MAGI2: variants seen among roughly 807,000 people sequenced by gnomAD.
The protein encoded by MAGI2 is membrane associated guanylate kinase, WW and PDZ domain containing 2, also known as membrane-associated guanylate kinase, WW and PDZ domain-containing protein 2.
A neutral mutation model predicts 133.3 loss-of-function variants in MAGI2; 35 were observed. The ratio of observed to expected loss-of-function variants is 0.26; its 90% CI spans 0.20 to 0.35. The LOEUF (loss-of-function observed/expected upper bound fraction) is 0.35. Among genes scored for constraint, MAGI2 ranks in the 10% least tolerant of loss-of-function variants. The pLI is 1.00. For synonymous variants in MAGI2, 729 were observed against 710.6 expected, an observed-to-expected ratio of 1.03 and a Z score of -0.41; for missense variants, 1,636 against 1,863.4, an observed-to-expected ratio of 0.88 and a Z score of 2.25.
intron 2 of MAGI2, among the ~76,000 whole-genome samples, chr7:78,831,944 C>T (rs1332896008): frequency 6.6e-6 from 1 of 152,036 alleles, no homozygotes; most frequent in African/African-American, 2.4e-5. Context: ...AAGGAAGGGT[C>T]CATTTGGCTG....
intron 2 of MAGI2, among the ~76,000 whole-genome samples, chr7:78,633,488 G>A (rs1243246808): frequency 1.3e-5 from 2 of 151,912 alleles, no homozygotes; most frequent in African/African-American, 2.4e-5. Context: ...GGTGGATCAC[G>A]AGGTCAGGAG....
intron 2 of MAGI2, among the ~76,000 whole-genome samples, chr7:78,955,645 C>T (rs1301382894): frequency 6.8e-6 from 1 of 146,982 alleles, no homozygotes; most frequent in Non-Finnish European, 1.5e-5. Flanking sequence ...CTCCTTTTCT[C>T]TCTCTCTCTC....
chr7:78,761,502 GT>G (rs1171718539), intron 2 of MAGI2, among the ~76,000 whole-genome samples: 1 of 138,274 alleles, frequency 7.2e-6, no homozygotes, highest in Non-Finnish European at 1.5e-5. Context: ...GTCTTGCTCT[GT>G]CCCCCAGGCT....
intron 1 of MAGI2, among the ~76,000 whole-genome samples, chr7:79,160,490 T>TA (rs1562951618): frequency 6.6e-6 from 1 of 152,048 alleles, no homozygotes; most frequent in Non-Finnish European, 1.5e-5. Context: ...ATCAGCTTCT[T>TA]AAAAAATCTT....
Position 79,240,493 on chromosome 7 carries a change from A to G in MAGI2, c.301+212527T>C, listed in dbSNP as rs564057538. On this transcript the variant is annotated intron_variant, in intron 1 of 21. Coordinates refer to ENST00000354212, the MANE Select transcript of MAGI2 (RefSeq NM_012301.4). ...GGCATGTATTCTCAATGTGGAGAGCACACTGGCAGAGGCAACATCCAGCAA... is the reference window on the plus strand; with the variant it reads ...GGCATGTATTCTCAATGTGGAGAGCGCACTGGCAGAGGCAACATCCAGCAA... Among the ~76,000 whole-genome samples the G allele has an allele frequency of 2.8e-4, 42 of 151,830 alleles. No individual in the cohort carries two copies. The South Asian group carries it at 8.3e-3, about 30-fold the overall frequency.
intron 2 of MAGI2, among the ~76,000 whole-genome samples, chr7:78,849,518 G>A (rs1435887697): frequency 2.0e-5 from 3 of 151,948 alleles, no homozygotes; most frequent in Non-Finnish European, 4.4e-5. Context: ...CGTTCCTTTT[G>A]GATTTGGAAT....
chr7:78,836,475 G>T, intron 2 of MAGI2, among the ~76,000 whole-genome samples: 1 of 151,920 alleles, frequency 6.6e-6, no homozygotes, highest in Admixed American at 6.6e-5. Context: ...TTTTTACCTT[G>T]AGTTACTGTC....
At position 79,423,686 on chromosome 7, in the gene MAGI2, A is replaced by C. The variant is rs577952071; in HGVS notation, c.301+29334T>G. On this transcript the variant is annotated intron_variant, in intron 1 of 21. Coordinates refer to ENST00000354212, the MANE Select transcript of MAGI2 (RefSeq NM_012301.4). Reference sequence around the variant, plus strand: ...TGTTTTGAAGATATCTGATGTTTGAAGATGGCAGAGCAGAGAAACTGAATG... The same window carrying C: ...TGTTTTGAAGATATCTGATGTTTGACGATGGCAGAGCAGAGAAACTGAATG... 4.0e-4 allele frequency among the ~76,000 whole-genome samples: 61 copies of C among 152,222 alleles called. 3 individuals are homozygous for C. In the South Asian group the frequency reaches 0.012, roughly 31 times the overall value.
At chr7:78,240,629 C>A (rs1000785702) in intron 10 of MAGI2, among the ~76,000 whole-genome samples, 1 of 152,104 alleles carries the variant, frequency 6.6e-6, no homozygotes, top group African/African-American at 2.4e-5. Flanking sequence ...TTCCCAGAGG[C>A]TGGGATGGTT....
At chr7:78,843,415 C>T (rs1451490895) in intron 2 of MAGI2, among the ~76,000 whole-genome samples, 3 of 151,922 alleles carry the variant, frequency 2.0e-5, no homozygotes, top group Non-Finnish European at 2.9e-5. Context: ...GTTGAATTCA[C>T]TGGTTGTCTG....
intron 2 of MAGI2, among the ~76,000 whole-genome samples, chr7:78,896,261 G>T (rs1464078593): frequency 6.6e-6 from 1 of 151,720 alleles, no homozygotes; most frequent in East Asian, 1.9e-4. Context: ...CTAGCATCTG[G>T]TGTACTTGAA....
chr7:78,461,382 ACGTGTGTGTG>A (rs1354249076), intron 6 of MAGI2, among the ~76,000 whole-genome samples: 1 of 103,692 alleles, frequency 9.6e-6, no homozygotes, highest in Non-Finnish European at 2.0e-5. Flanking sequence ...ATTCCTGGAC[ACGTGTGTGTG>A]CGTGTGTGTG....
chr7:78,490,021 G>T, intron 5 of MAGI2, 181 bp from the exon 6 acceptor site: 1 of 496,594 alleles, frequency 2.0e-6, no homozygotes, highest in Non-Finnish European at 3.6e-6. Flanking sequence ...CTGTAAATTT[G>T]GCAACCTCAG....
intron 2 of MAGI2, among the ~76,000 whole-genome samples, chr7:78,647,531 T>C (rs1811028964): frequency 6.6e-6 from 1 of 152,180 alleles, no homozygotes; most frequent in South Asian, 2.1e-4. Context: ...ATAGGAACGC[T>C]TTTACACTGT....
At chr7:78,537,373 T>G (rs1798049832) in intron 3 of MAGI2, among the ~76,000 whole-genome samples, 1 of 152,242 alleles carries the variant, frequency 6.6e-6, no homozygotes, top group South Asian at 2.1e-4. Context: ...GTAGTGGGAT[T>G]GCTGGATAGA....
rs569789697 is a variant in MAGI2 at position 78,019,828 on chromosome 7, A to T, written c.3855T>A (p.Thr1285=). ...CGTCGTGTTCCCGTTTGATATCCCA[A>T]GTTGGGCCTGGGCTTATCTGGTGGG... ...DPSHQISPGP[T]WDIKREHDVR... Residue 1285 remains threonine, a synonymous_variant, in exon 22 of 22, where the codon ACT becomes ACA. Coordinates refer to ENST00000354212, the MANE Select transcript of MAGI2 (RefSeq NM_012301.4). 1 of 1,613,218 alleles carries T rather than the reference A, an allele frequency of 6.2e-7. No homozygotes were observed. Among genetic ancestry groups the T allele is most frequent in the South Asian group, 1.1e-5 (1 of 91,050 alleles).
At chr7:79,010,082 T>A (rs1027105642) in intron 1 of MAGI2, among the ~76,000 whole-genome samples, 1 of 152,036 alleles carries the variant, frequency 6.6e-6, no homozygotes, top group Non-Finnish European at 1.5e-5. Flanking sequence ...TATATACACA[T>A]ATATTTTTGT....
intron 9 of MAGI2, among the ~76,000 whole-genome samples, chr7:78,265,421 A>G (rs932399124): frequency 9.2e-5 from 14 of 152,232 alleles, no homozygotes; most frequent in Non-Finnish European, 1.6e-4. Context: ...GGAATTCAAT[A>G]GCATAAAATG....
intron 1 of MAGI2, among the ~76,000 whole-genome samples, chr7:79,348,280 AGAAAATTACAGTGGTATTTTTGAGT>A (rs1841458764): frequency 6.6e-6 from 1 of 151,928 alleles, no homozygotes; most frequent in Admixed American, 6.6e-5. Flanking sequence ...ACACAAATAA[AGAAAATTACAGTGGTATTTTTGAGT>A]GAAAATTAAC....
Sources: gnomAD v4.1 joint callset for allele counts (sites outside exome capture counted in the v4.1 genomes callset) on GRCh38, gnomAD v4.1.1 for gene constraint, MANE v1.5 for transcripts, NCBI Gene and HGNC (gene_info 2026-07-23, HGNC 2026-07-21) for gene names.